BCL11B: variants seen among roughly 807,000 people sequenced by gnomAD.
The protein encoded by BCL11B is B-cell lymphoma/leukemia 11B.
In BCL11B, 8 loss-of-function variants were observed where a neutral mutation model predicts 49.9. That is an observed-to-expected ratio of 0.16 (90% CI 0.09 to 0.29). The LOEUF is 0.29. Among genes scored for constraint, BCL11B ranks in the 10% least tolerant of loss-of-function variants. BCL11B has a pLI of 1.00. For synonymous variants in BCL11B, 739 were observed against 637.4 expected, an observed-to-expected ratio of 1.16 and a Z score of -2.40; for missense variants, 1,006 against 1,351.0, an observed-to-expected ratio of 0.74 and a Z score of 4.00.
intron 3 of BCL11B, among the ~76,000 whole-genome samples, chr14:99,180,985 T>C (rs1886683043): frequency 1.3e-5 from 2 of 152,222 alleles, no homozygotes; most frequent in Admixed American, 1.3e-4. Context: ...TAATTGTTCC[T>C]CCTTATTAAG....
At position 99,224,648 on chromosome 14, in the gene BCL11B, T is replaced by C. The variant is rs77758064; in HGVS notation, c.640+6697A>G. 4.5e-3 allele frequency among the ~76,000 whole-genome samples: 682 copies of C among 152,306 alleles called. 37 individuals carry two copies. In the East Asian group the frequency reaches 0.11, roughly 25 times the overall value. On this transcript the variant is annotated intron_variant, in intron 3 of 3. Coordinates refer to ENST00000357195, the MANE Select transcript of BCL11B (RefSeq NM_138576.4). ...TCCCTCTGATTCCCCCAGGTGCTGG[T>C]CATGGGCTGTGGCCACGCCCAGATG...
At chr14:99,251,054 A>AC (rs1001766168) in intron 2 of BCL11B, among the ~76,000 whole-genome samples, 1 of 152,112 alleles carries the variant, frequency 6.6e-6, no homozygotes, top group Non-Finnish European at 1.5e-5. Context: ...GGAAGGGCTC[A>AC]CCCCCTTTCT....
chr14:99,179,811 T>C (rs898805401), intron 3 of BCL11B, among the ~76,000 whole-genome samples: 2 of 152,192 alleles, frequency 1.3e-5, no homozygotes, highest in African/African-American at 4.8e-5. Context: ...CTTCTTTTTT[T>C]AATAAAACAT....
intron 1 of BCL11B, among the ~76,000 whole-genome samples, chr14:99,268,057 G>A (rs1386158414): frequency 6.6e-6 from 1 of 152,002 alleles, no homozygotes; most frequent in African/African-American, 2.4e-5. Flanking sequence ...GATTGCCACT[G>A]TGTTGTTTTG....
At chr14:99,214,450 T>C (rs1245276197) in intron 3 of BCL11B, among the ~76,000 whole-genome samples, 1 of 151,492 alleles carries the variant, frequency 6.6e-6, no homozygotes, top group Non-Finnish European at 1.5e-5. Flanking sequence ...CCCAGCTACT[T>C]AGGAGGCTGA....
At chr14:99,219,664 C>T (rs935588929) in intron 3 of BCL11B, among the ~76,000 whole-genome samples, 8 of 152,074 alleles carry the variant, frequency 5.3e-5, no homozygotes, top group African/African-American at 1.9e-4. Flanking sequence ...TACGGGGCTC[C>T]TTCTGCTAAG....
At chr14:99,199,687 CGCGCGCGCGCACGTGCACGTGTGTGCGT>C (rs1195549500) in intron 3 of BCL11B, among the ~76,000 whole-genome samples, 147 of 58,890 alleles carry the variant, frequency 2.5e-3, no homozygotes, top group African/African-American at 6.3e-3. Context: ...TGTGTGTGCG[CGCGCGCGCGCACGTGCACGTGTGTGCGT>C]GTGTGCATGC....
Position 99,257,564 on chromosome 14 carries a change from G to C in BCL11B, c.334C>G (p.Pro112Ala), listed in dbSNP as rs1477343612. 16 of 1,613,990 alleles carry C rather than the reference G, an allele frequency of 9.9e-6. No individual in the cohort carries two copies. Among genetic ancestry groups the C allele is most frequent in the African/African-American group, 1.3e-5 (1 of 74,920 alleles). The stretch of plus-strand genomic sequence containing the variant: ...GTGACTTGGATCCCGATCTCCACCG[G>C]CTCGGACACTTTCCTGAGCTCGGAG... ...SRSELRKVSE[P>A]VEIGIQVTPD... is the part of the protein sequence containing the mutation. The change falls in exon 2 of 4, where the codon CCG (proline) becomes GCG (alanine). Residue 112 changes from proline (P) to alanine (A), a missense_variant. Pro to Ala is a conservative substitution (Grantham distance 27). This residue lies in a region of BCL11B where 411 missense variants were observed against 542.2 expected (regional missense o/e 0.76). Coordinates refer to ENST00000357195, the MANE Select transcript of BCL11B (RefSeq NM_138576.4). The surrounding 1 kb of genome is among the most constrained non-coding windows in gnomAD (Gnocchi z 6.2).
intron 2 of BCL11B, among the ~76,000 whole-genome samples, chr14:99,244,955 G>GA (rs1250953420): frequency 6.6e-6 from 1 of 152,138 alleles, no homozygotes; most frequent in Non-Finnish European, 1.5e-5. Context: ...ATTTATTTCT[G>GA]AAAAATGGAA....
intron 3 of BCL11B, among the ~76,000 whole-genome samples, chr14:99,193,513 A>G (rs1283618011): frequency 1.3e-5 from 2 of 152,228 alleles, no homozygotes; most frequent in African/African-American, 4.8e-5. Flanking sequence ...ATAGCCATCA[A>G]CTTGGTACAA....
In BCL11B at chr14:99,171,083, T is replaced by A. The variant is rs1886274704; in HGVS notation, c.*3068A>T. Reference sequence around the variant, plus strand: ...ACGATGTGGAATGTTACTGACATCTTTACAAAAACTGATTTTTTTCCACTC... The same window carrying A: ...ACGATGTGGAATGTTACTGACATCTATACAAAAACTGATTTTTTTCCACTC... On this transcript the variant is annotated 3_prime_UTR_variant, in exon 4 of 4. Transcript: ENST00000357195. 4.4e-6 allele frequency: 1 copy of A among 229,834 alleles called. No homozygotes were observed. 14.2% of individuals were successfully genotyped at this position (229,834 alleles called of 1,614,324 possible).
At chr14:99,258,368 G>A (rs1451384892) in intron 1 of BCL11B, among the ~76,000 whole-genome samples, 1 of 152,172 alleles carries the variant, frequency 6.6e-6, no homozygotes, top group Non-Finnish European at 1.5e-5. Context: ...CAGTGAGCTG[G>A]AGCCCTTTCC....
intron 3 of BCL11B, among the ~76,000 whole-genome samples, chr14:99,216,746 GC>G (rs1330555317): frequency 6.6e-6 from 1 of 152,108 alleles, no homozygotes; most frequent in East Asian, 1.9e-4. Context: ...GCTGGGAGGG[GC>G]CTGTTCTGTG....
Position 99,248,566 on chromosome 14 carries a change from G to C in BCL11B, c.427+8905C>G, listed in dbSNP as rs1417516507. On this transcript the variant is annotated intron_variant, in intron 2 of 3. Transcript: ENST00000357195. The surrounding 1 kb of genome is among the most constrained non-coding windows in gnomAD (Gnocchi z 4.7). ...GGCCTGGTCACACAAGGGGCTCTGAGCTTCAACTGTTTACCTCACGGTGAG... is the reference window on the plus strand; with the variant it reads ...GGCCTGGTCACACAAGGGGCTCTGACCTTCAACTGTTTACCTCACGGTGAG... Among the ~76,000 whole-genome samples, 2 of 152,212 alleles carry C rather than the reference G, an allele frequency of 1.3e-5. No homozygotes were observed. The highest frequency in any genetic ancestry group is 2.9e-5 in the Non-Finnish European group (2 of 68,034).
chr14:99,211,218 G>A (rs957319864), intron 3 of BCL11B, among the ~76,000 whole-genome samples: 3 of 152,208 alleles, frequency 2.0e-5, no homozygotes, highest in Admixed American at 6.5e-5. Context: ...AGGCCTGTCT[G>A]GCACCCCGTA....
At chr14:99,236,567 T>G (rs1888505034) in intron 2 of BCL11B, among the ~76,000 whole-genome samples, 1 of 152,254 alleles carries the variant, frequency 6.6e-6, no homozygotes, top group Admixed American at 6.5e-5. Context: ...ATCTGGCACT[T>G]CTAGGCTGGT....
intron 2 of BCL11B, among the ~76,000 whole-genome samples, chr14:99,252,324 C>A (rs1889031181): frequency 6.6e-6 from 1 of 152,198 alleles, no homozygotes; most frequent in African/African-American, 2.4e-5. Context: ...TTTAAGGCAA[C>A]CTGCGAGTGG....
At position 99,174,731 on chromosome 14, in the gene BCL11B, A is replaced by G; in HGVS notation, c.2105T>C (p.Ile702Thr). Residue 702 changes from isoleucine to threonine, a missense_variant, in exon 4 of 4, where the codon ATC becomes ACC. By Grantham distance (89) the Ile-to-Thr change is moderately conservative. Around this residue, in one of 6 missense-constraint regions of BCL11B, gnomAD observed 443 missense variants for 499.7 expected, o/e 0.89. Coordinates refer to ENST00000357195, the MANE Select transcript of BCL11B (RefSeq NM_138576.4). ...KDLELPPAALIPSENVYSQWL... is the reference protein window; with the variant it reads ...KDLELPPAALTPSENVYSQWL... Reference sequence around the variant, plus strand: ...CTGCGAGTACACGTTCTCGGACGGGATGAGCGCGGCGGGCGGCAGCTCCAG... The same window carrying G: ...CTGCGAGTACACGTTCTCGGACGGGGTGAGCGCGGCGGGCGGCAGCTCCAG... 1 of 1,544,852 alleles carries G rather than the reference A, an allele frequency of 6.5e-7. No homozygotes were observed. Among genetic ancestry groups the G allele is most frequent in the Non-Finnish European group, 8.7e-7 (1 of 1,146,252 alleles).
At chr14:99,199,970 GA>G (rs368031471) in intron 3 of BCL11B, among the ~76,000 whole-genome samples, 2,196 of 147,030 alleles carry the variant, frequency 0.015, 21 homozygotes, top group Non-Finnish European at 0.023. Flanking sequence ...GCCTGGGAAG[GA>G]AAAAAAAAAC....
Sources: allele counts gnomAD v4.1 joint callset (sites outside exome capture counted in the v4.1 genomes callset), GRCh38; gene constraint gnomAD v4.1.1; regional missense constraint gnomAD v4.1.1; non-coding constraint Gnocchi (gnomAD v3.1); transcripts MANE v1.5; gene names NCBI Gene and HGNC (gene_info 2026-07-23, HGNC 2026-07-21).